The following CTTN variants were observed in gnomAD, a reference collection of about 807,000 sequenced individuals.
The protein encoded by CTTN is src substrate cortactin.
In CTTN, 28 loss-of-function variants were observed where a neutral mutation model predicts 84.0. The observed-to-expected ratio is 0.33, with a 90% CI of 0.25 to 0.46. The LOEUF is 0.46. Among genes scored for constraint, CTTN ranks in the 20% least tolerant of loss-of-function variants. CTTN has a pLI of 1.00. For missense variants in CTTN, 641 were observed against 723.8 expected (o/e 0.89, Z 1.31); for synonymous variants, 301 against 288.8 (o/e 1.04, Z -0.43).
Position 70,409,972 on chromosome 11 carries a change from G to T in CTTN, c.291+12G>T. 6.2e-7 allele frequency: 1 copy of T among 1,613,792 alleles called. No individual in the cohort carries two copies. The highest frequency in any genetic ancestry group is 8.5e-7 in the Non-Finnish European group (1 of 1,179,940). On this transcript the variant is annotated intron_variant, in intron 5 of 17. Transcript: ENST00000301843. ...ACCGAATGGATAAGGTAAGTGGCCC[G>T]CGGCTGCCTATGCCAGGCTCCTGGT...
At chr11:70,431,723 C>G (rs1394216899) in intron 15 of CTTN, among the ~76,000 whole-genome samples, 4 of 152,268 alleles carry the variant, frequency 2.6e-5, no homozygotes, top group African/African-American at 9.6e-5. Context: ...AGCTCTCCAG[C>G]CTTGCAGCCC....
intron 12 of CTTN, 36 bp from the exon 13 acceptor site, chr11:70,425,296 A>T (rs1282972156): frequency 6.4e-7 from 1 of 1,569,462 alleles, no homozygotes; most frequent in East Asian, 2.3e-5. Context: ...GAAAAGAGAA[A>T]AGTGCTCTCC....
chr11:70,425,549 C>G, intron 13 of CTTN, 148 bp downstream of exon 13: 1 of 656,356 alleles, frequency 1.5e-6, no homozygotes. Context: ...AATGATCGTT[C>G]TGATGAAGAT....
intron 13 of CTTN, among the ~76,000 whole-genome samples, chr11:70,428,107 C>G (rs1036760223): frequency 1.3e-5 from 2 of 151,238 alleles, no homozygotes; most frequent in East Asian, 1.9e-4. Flanking sequence ...CAGACAGCCA[C>G]CGCCACAGTC....
chr11:70,424,254 G>C (rs1025704926), intron 12 of CTTN, among the ~76,000 whole-genome samples: 1 of 152,116 alleles, frequency 6.6e-6, no homozygotes, highest in Admixed American at 6.5e-5. Context: ...CTGTGGGTGA[G>C]TCAGAGGTTG....
At position 70,417,135 on chromosome 11, in the gene CTTN, C is replaced by A. The variant is rs1027744891; in HGVS notation, c.568+12C>A. On this transcript the variant is annotated intron_variant, in intron 8 of 17. Coordinates refer to ENST00000301843, the MANE Select transcript of CTTN (RefSeq NM_005231.4). Reference sequence around the variant, plus strand: ...CGAGTCACAGAGAGGTGGGGCGGACCCCACGGTCTGTAATCACGCGTTTGC... The same window carrying A: ...CGAGTCACAGAGAGGTGGGGCGGACACCACGGTCTGTAATCACGCGTTTGC... 6.2e-7 allele frequency: 1 copy of A among 1,604,862 alleles called. No homozygotes were observed.
intron 11 of CTTN, chr11:70,421,976 C>T: frequency 4.6e-6 from 1 of 215,998 alleles, no homozygotes; most frequent in Non-Finnish European, 9.4e-6. Context: ...GGTGTTGGTT[C>T]AACCAAACCA....
At chr11:70,432,575 T>C (rs2135597333) in intron 15 of CTTN, among the ~76,000 whole-genome samples, 1 of 152,350 alleles carries the variant, frequency 6.6e-6, no homozygotes, top group East Asian at 1.9e-4. Context: ...TAGAGAGGTG[T>C]TCCACTGCGC....
chr11:70,418,716 TCTC>T (rs1325349905), intron 8 of CTTN, among the ~76,000 whole-genome samples: 1 of 152,064 alleles, frequency 6.6e-6, no homozygotes, highest in Non-Finnish European at 1.5e-5. Context: ...TAAACTCTCA[TCTC>T]CTGCTAGCTT....
chr11:70,434,071 G>C (rs544846936), intron 17 of CTTN, among the ~76,000 whole-genome samples: 1 of 152,356 alleles, frequency 6.6e-6, no homozygotes, highest in South Asian at 2.1e-4. Context: ...CCGCACAGAT[G>C]CCTTGATGTT....
chr11:70,398,684 G>C (rs1314572223), intron 1 of CTTN, 70 bp downstream of exon 1: 1 of 152,182 alleles, frequency 6.6e-6, no homozygotes, highest in African/African-American at 2.4e-5. Flanking sequence ...GCGTCGCCTG[G>C]CCGCGAAAGG....
intron 4 of CTTN, 40 bp from the exon 5 acceptor site, chr11:70,409,791 G>A: frequency 6.2e-7 from 1 of 1,604,938 alleles, no homozygotes; most frequent in Non-Finnish European, 8.5e-7. Flanking sequence ...CTGCACGTCT[G>A]TTTTATTGAT....
chr11:70,410,881 C>G (rs1376979240), intron 5 of CTTN, among the ~76,000 whole-genome samples: 3 of 152,126 alleles, frequency 2.0e-5, no homozygotes, highest in Non-Finnish European at 4.4e-5. Context: ...GAGCTGGGCA[C>G]GGGATGATGT....
chr11:70,413,484 G>A (rs117409317), intron 5 of CTTN, among the ~76,000 whole-genome samples: 7 of 152,344 alleles, frequency 4.6e-5, no homozygotes, highest in South Asian at 2.1e-4. Context: ...TAGAACTGCC[G>A]AACGGAGTTG....
chr11:70,409,779 A>G (rs2058079218), intron 4 of CTTN, 52 bp from the exon 5 acceptor site: 1 of 1,592,522 alleles, frequency 6.3e-7, no homozygotes, highest in South Asian at 1.1e-5. Flanking sequence ...CAGGAGGCAA[A>G]GCTGCACGTC....
intron 1 of CTTN, among the ~76,000 whole-genome samples, chr11:70,402,136 G>A (rs1043102147): frequency 6.6e-6 from 1 of 152,200 alleles, no homozygotes; most frequent in Non-Finnish European, 1.5e-5. Flanking sequence ...CTAGGCAACA[G>A]AGCAAGACTG....
chr11:70,427,495 A>G (rs1372795252), intron 13 of CTTN, among the ~76,000 whole-genome samples: 1 of 152,264 alleles, frequency 6.6e-6, no homozygotes, highest in Non-Finnish European at 1.5e-5. Flanking sequence ...TCTGCAGTCT[A>G]TCGATGTTAC....
At chr11:70,415,824 G>A in intron 7 of CTTN, 107 bp downstream of exon 7, 1 of 1,085,964 alleles carries the variant, frequency 9.2e-7, no homozygotes, top group Admixed American at 1.8e-5. Context: ...GATGGGGAGA[G>A]TCACAGCCAC....
At chr11:70,426,917 G>C (rs1432321093) in intron 13 of CTTN, among the ~76,000 whole-genome samples, 1 of 149,086 alleles carries the variant, frequency 6.7e-6, no homozygotes, top group Non-Finnish European at 1.5e-5. Flanking sequence ...TTTATCTTTA[G>C]TAGAGATGAG....
Sources: gnomAD v4.1 joint callset for allele counts (sites outside exome capture counted in the v4.1 genomes callset) on GRCh38, gnomAD v4.1.1 for gene constraint, MANE v1.5 for transcripts, NCBI Gene and HGNC (gene_info 2026-07-23, HGNC 2026-07-21) for gene names.